PIK3R5: variants seen among roughly 807,000 people sequenced by gnomAD.
The protein encoded by PIK3R5 is phosphoinositide-3-kinase regulatory subunit 5, also known as phosphoinositide 3-kinase regulatory subunit 5.
A neutral mutation model predicts 94.9 loss-of-function variants in PIK3R5; 32 were observed. The ratio of observed to expected loss-of-function variants is 0.34; its 90% CI spans 0.25 to 0.45. The LOEUF is 0.45. PIK3R5 is among the 20% of genes least tolerant of loss of function. PIK3R5 has a pLI of 1.00. For synonymous variants in PIK3R5, 443 were observed against 479.4 expected (o/e 0.92, Z 0.99); for missense variants, 853 against 1,144.6 (o/e 0.75, Z 3.68).
intron 1 of PIK3R5, among the ~76,000 whole-genome samples, chr17:8,938,371 T>C (rs1473633594): frequency 6.6e-6 from 1 of 152,244 alleles, no homozygotes; most frequent in Non-Finnish European, 1.5e-5. Flanking sequence ...ATTTTTACTT[T>C]TTTTCTTGAG....
In PIK3R5 at chr17:8,889,204, T is replaced by G; in HGVS notation, c.830A>C (p.Lys277Thr). 6.2e-7 allele frequency: 1 copy of G among 1,613,674 alleles called. No individual in the cohort carries two copies. The highest frequency in any genetic ancestry group is 8.5e-7 in the Non-Finnish European group (1 of 1,179,702). Residue 277 changes from lysine (K) to threonine (T), a missense_variant, in exon 9 of 19, where the codon AAG becomes ACG. Lys to Thr is a moderately conservative substitution (Grantham distance 78, BLOSUM62 -1). This residue lies in a region of PIK3R5 where 161 missense variants were observed against 249.5 expected (regional missense o/e 0.65). Coordinates refer to ENST00000447110, the MANE Select transcript of PIK3R5 (RefSeq NM_001142633.3). This position sits in a 1 kb window ranked among gnomAD's most constrained non-coding sequence, Gnocchi z 4.1. ...PGVLDTAKPG[K>T]LHTIPIPVAR... Reference sequence around the variant, plus strand: ...GACAGGGATGGGGATGGTGTGGAGCTTCCCTGGTTTTGCAGTGTCTGTAAG... The same window carrying G: ...GACAGGGATGGGGATGGTGTGGAGCGTCCCTGGTTTTGCAGTGTCTGTAAG...
rs1182750862 is a variant in PIK3R5 at position 8,887,606 on chromosome 17, T to C, written c.1694A>G (p.His565Arg). The C allele has an allele frequency of 1.2e-6, 2 of 1,610,252 alleles. No individual in the cohort carries two copies. Among genetic ancestry groups the C allele is most frequent in the African/African-American group, 2.7e-5 (2 of 74,796 alleles). ...QFFYVPVKRS[H>R]GTSPGACPPP... ...TGGACAGGCACCAGGGCTGGTCCCATGACTTCGCTTCACAGGCACGTAGAA... is the reference window on the plus strand; with the variant it reads ...TGGACAGGCACCAGGGCTGGTCCCACGACTTCGCTTCACAGGCACGTAGAA... Residue 565 changes from histidine to arginine, a missense_variant, in exon 11 of 19, where the codon CAT (histidine) becomes CGT (arginine). Coordinates refer to ENST00000447110, the MANE Select transcript of PIK3R5 (RefSeq NM_001142633.3).
At chr17:8,959,337 A>T (rs184974062) in intron 1 of PIK3R5, among the ~76,000 whole-genome samples, 1 of 152,330 alleles carries the variant, frequency 6.6e-6, no homozygotes, top group East Asian at 1.9e-4. Context: ...CTAGAACAGG[A>T]GTTATTAACC....
Position 8,922,766 on chromosome 17 carries a change from C to G in PIK3R5, c.-13-11259G>C, listed in dbSNP as rs577330403. On this transcript the variant is annotated intron_variant, in intron 1 of 18. Coordinates refer to ENST00000447110, the MANE Select transcript of PIK3R5 (RefSeq NM_001142633.3). The stretch of plus-strand genomic sequence containing the variant: ...AGGATGATTTAGCCACCAGATGAGT[C>G]TGTTACAGCAGTGACGGTAGCTAGT... Among the ~76,000 whole-genome samples, 48 of 152,156 alleles carry G rather than the reference C, an allele frequency of 3.2e-4. No individual in the cohort carries two copies. In the South Asian group the frequency reaches 9.5e-3, roughly 30 times the overall value.
Position 8,880,350 on chromosome 17 carries a change from A to G in PIK3R5, c.*289T>C, listed in dbSNP as rs565467338. ...TTCCTTCTAGAAAGGATCCTAGACC[A>G]TGCTAATGGTCAGGGACTTCAGAGG... On this transcript the variant is annotated 3_prime_UTR_variant, in exon 19 of 19. Transcript: ENST00000447110. 21 of 318,840 alleles carry G rather than the reference A, an allele frequency of 6.6e-5. No individual in the cohort carries two copies. The East Asian group carries it at 1.0e-3, about 16-fold the overall frequency. The allele number at this position is 318,840 out of a possible 1,614,324, so 19.8% of individuals were successfully genotyped here. A position where few individuals can be genotyped will look rare whatever the true frequency, so the allele number is the denominator to read the frequency against.
At chr17:8,883,427 TG>T (rs1199302952) in intron 15 of PIK3R5, among the ~76,000 whole-genome samples, 6 of 152,244 alleles carry the variant, frequency 3.9e-5, no homozygotes, top group Non-Finnish European at 8.8e-5. Context: ...CTTGGTATGC[TG>T]GTCCCCCATT....
Position 8,884,650 on chromosome 17 carries a change from C to A in PIK3R5, c.2205+57G>T. The A allele has an allele frequency of 1.4e-6, 2 of 1,382,328 alleles. 1 individual carries two copies. Among genetic ancestry groups the A allele is most frequent in the South Asian group, 2.4e-5 (2 of 85,002 alleles). 85.6% of individuals were successfully genotyped at this position (1,382,328 alleles called of 1,614,324 possible). On this transcript the variant is annotated intron_variant, in intron 15 of 18. Transcript: ENST00000447110. The surrounding 1 kb of genome is among the most constrained non-coding windows in gnomAD (Gnocchi z 5.8). ...GTCCAGCTCTGGGTCCAAGCTCTGGCGGAGGAAGTATCAGCAGCAGATCCT... is the reference window on the plus strand; with the variant it reads ...GTCCAGCTCTGGGTCCAAGCTCTGGAGGAGGAAGTATCAGCAGCAGATCCT...
intron 1 of PIK3R5, among the ~76,000 whole-genome samples, chr17:8,956,191 G>T (rs916518204): frequency 5.3e-5 from 8 of 151,778 alleles, no homozygotes; most frequent in Admixed American, 5.3e-4. Flanking sequence ...AAATTTGTCG[G>T]GCATCAGACT....
At chr17:8,921,933 A>T (rs2090756445) in intron 1 of PIK3R5, among the ~76,000 whole-genome samples, 1 of 152,204 alleles carries the variant, frequency 6.6e-6, no homozygotes, top group East Asian at 1.9e-4. Flanking sequence ...AAATATCAAA[A>T]TTTAAAACTC....
chr17:8,916,534 A>T (rs1349931423), intron 1 of PIK3R5: 1 of 129,228 alleles, frequency 7.7e-6, no homozygotes, highest in Non-Finnish European at 1.6e-5. Flanking sequence ...GTGGTGTTGA[A>T]ATATCCAACA....
intron 1 of PIK3R5, among the ~76,000 whole-genome samples, chr17:8,928,892 A>T (rs1014319169): frequency 6.6e-6 from 1 of 152,252 alleles, no homozygotes; most frequent in Admixed American, 6.5e-5. Flanking sequence ...AAGTTATCTT[A>T]GATGGCTGAA....
At chr17:8,965,154 G>A (rs1459907287) in intron 1 of PIK3R5, among the ~76,000 whole-genome samples, 1 of 152,246 alleles carries the variant, frequency 6.6e-6, no homozygotes, top group Non-Finnish European at 1.5e-5. Context: ...AGTGAGGCTC[G>A]ACGGAGGGCG....
intron 1 of PIK3R5, among the ~76,000 whole-genome samples, chr17:8,928,353 C>A (rs1391626549): frequency 6.6e-6 from 1 of 152,172 alleles, no homozygotes; most frequent in East Asian, 1.9e-4. Context: ...TAAATAATCA[C>A]ATAAAACTTG....
intron 3 of PIK3R5, among the ~76,000 whole-genome samples, chr17:8,908,397 C>T (rs1311702041): frequency 6.6e-6 from 1 of 152,066 alleles, no homozygotes; most frequent in Non-Finnish European, 1.5e-5. Flanking sequence ...AGCTGGTTGG[C>T]TTATGATGAA....
intron 1 of PIK3R5, among the ~76,000 whole-genome samples, chr17:8,942,668 C>CAT (rs2091204231): frequency 6.6e-6 from 1 of 151,712 alleles, no homozygotes; most frequent in Non-Finnish European, 1.5e-5. Flanking sequence ...TGCAGTGGTG[C>CAT]GATCTCTGCT....
chr17:8,928,170 G>A (rs1298172282), intron 1 of PIK3R5, among the ~76,000 whole-genome samples: 4 of 152,116 alleles, frequency 2.6e-5, no homozygotes, highest in Non-Finnish European at 5.9e-5. Context: ...CAGACAAAAG[G>A]TCTAACATTC....
At position 8,893,477 on chromosome 17, in the gene PIK3R5, AG is replaced by A; in HGVS notation, c.482+108del. The A allele has an allele frequency of 1.2e-6, 1 of 837,924 alleles. No homozygotes were observed. Among genetic ancestry groups the A allele is most frequent in the South Asian group, 1.5e-5 (1 of 68,466 alleles). 51.9% of individuals were successfully genotyped at this position (837,924 alleles called of 1,614,324 possible). A position where few individuals can be genotyped will look rare whatever the true frequency, so the allele number is the denominator to read the frequency against. On this transcript the variant is annotated intron_variant, in intron 6 of 18. Coordinates refer to ENST00000447110, the MANE Select transcript of PIK3R5 (RefSeq NM_001142633.3). The surrounding 1 kb of genome is among the most constrained non-coding windows in gnomAD (Gnocchi z 5.1). ...CTGTTTGTTGCTGGCTGGGGTGGAC[AG>A]GGGGTGGGGGCACTGGATGTTTGAG...
chr17:8,910,831 T>TG (rs1367404653), intron 2 of PIK3R5, among the ~76,000 whole-genome samples: 1 of 152,086 alleles, frequency 6.6e-6, no homozygotes, highest in Middle Eastern at 3.2e-3. Context: ...CAGTGAGATA[T>TG]GGGGCATGAG....
At chr17:8,908,591 T>C (rs1411380112) in intron 3 of PIK3R5, among the ~76,000 whole-genome samples, 2 of 148,914 alleles carry the variant, frequency 1.3e-5, no homozygotes, top group African/African-American at 5.0e-5. Context: ...AAGAGAATTC[T>C]TTACAAAAGA....
Sources: allele counts gnomAD v4.1 joint callset (sites outside exome capture counted in the v4.1 genomes callset), GRCh38; gene constraint gnomAD v4.1.1; regional missense constraint gnomAD v4.1.1; non-coding constraint Gnocchi (gnomAD v3.1); transcripts MANE v1.5; gene names NCBI Gene and HGNC (gene_info 2026-07-23, HGNC 2026-07-21).